Variants in ECT2 observed in about 807,000 individuals in gnomAD.
The protein encoded by ECT2 is epithelial cell transforming 2, also known as protein ECT2.
Under a neutral mutation model 116.9 loss-of-function variants are expected in ECT2, and 61 were observed. The ratio of observed to expected loss-of-function variants is 0.52; its 90% confidence interval spans 0.42 to 0.65. The LOEUF (loss-of-function observed/expected upper bound fraction) is 0.65. ECT2 is among the 30% of genes least tolerant of loss of function. The probability of loss-of-function intolerance (pLI) is 0.00; values close to 1 mark genes in which losing one functional copy is unlikely to be tolerated. For missense variants in ECT2, 937 were observed against 1,078.7 expected (o/e 0.87, Z 1.84); for synonymous variants, 358 against 346.4 (o/e 1.03, Z -0.37).
rs1729798344 is a variant in ECT2 at position 172,816,785 on chromosome 3, C to T, written c.2603C>T (p.Ser868Phe). The stretch of plus-strand genomic sequence containing the variant: ...GGCTCAGTGGAGGGAAGAAGTCCTT[C>T]CAGCAATGATAAGCATGTAATGAGT... ...SHGSVEGRSP[S>F]SNDKHVMSRL... Residue 868 changes from serine to phenylalanine, a missense_variant, in exon 24 of 25, where the codon TCC (serine) becomes TTC (phenylalanine). By Grantham distance (155) the Ser-to-Phe change is radical. Transcript: ENST00000392692. 6.2e-7 allele frequency: 1 copy of T among 1,610,104 alleles called. No individual in the cohort carries two copies. The highest frequency in any genetic ancestry group is 1.7e-5 in the Admixed American group (1 of 59,918).
chr3:172,818,887 CACTTATTTGGTGGG>C (rs1730252333), intron 24 of ECT2: 2 of 1,121,884 alleles, frequency 1.8e-6, no homozygotes, highest in Non-Finnish European at 2.2e-6. Context: ...TCCAAGGAAT[CACTTATTTGGTGGG>C]TGGGAACTTT....
At chr3:172,763,904 G>A (rs1166348365) in intron 11 of ECT2, among the ~76,000 whole-genome samples, 2 of 152,190 alleles carry the variant, frequency 1.3e-5, no homozygotes, top group Non-Finnish European at 2.9e-5. Flanking sequence ...TAAAAATCAA[G>A]TGTTACTCAG....
chr3:172,773,689 T>C (rs1721088021), intron 13 of ECT2, among the ~76,000 whole-genome samples: 1 of 152,194 alleles, frequency 6.6e-6, no homozygotes, highest in Non-Finnish European at 1.5e-5. Flanking sequence ...TGACATTTCA[T>C]GACGAGCATA....
chr3:172,760,425 A>C (rs368093044), intron 7 of ECT2, among the ~76,000 whole-genome samples, 162 bp downstream of exon 7: 2 of 152,190 alleles, frequency 1.3e-5, no homozygotes, highest in African/African-American at 4.8e-5. Context: ...AAGAGTGGTT[A>C]AATTTTCTTT....
At chr3:172,789,547 G>C (rs1259484272) in intron 18 of ECT2, among the ~76,000 whole-genome samples, 1 of 152,110 alleles carries the variant, frequency 6.6e-6, no homozygotes, top group Admixed American at 6.5e-5. Context: ...GGCCATATCA[G>C]TTGACTTTTC....
rs2109329264 is a variant in ECT2, at chr3:172,815,669, A to G, written c.2466A>G (p.Thr822=). 6 of 1,606,628 alleles carry G rather than the reference A, an allele frequency of 3.7e-6. No homozygotes were observed. Among genetic ancestry groups the G allele is most frequent in the Admixed American group, 1.7e-5 (1 of 58,968 alleles). Residue 822 remains threonine (T), a synonymous_variant, in exon 23 of 25, where the codon ACA becomes ACG. Coordinates refer to ENST00000392692, the MANE Select transcript of ECT2 (RefSeq NM_001258315.2). ...FEVNTKDMDS[T]LSRASRAIKK... is the part of the protein sequence containing the mutation. Reference sequence around the variant, plus strand: ...TAAATACAAAAGATATGGACAGTACATTGAGTAGAGCATCAAGAGCAATAA... The same window carrying G: ...TAAATACAAAAGATATGGACAGTACGTTGAGTAGAGCATCAAGAGCAATAA...
intron 4 of ECT2, among the ~76,000 whole-genome samples, chr3:172,756,063 G>A (rs1441327829): frequency 2.0e-5 from 3 of 152,096 alleles, no homozygotes; most frequent in Admixed American, 2.0e-4. Flanking sequence ...TGCATCCCTG[G>A]TGTTTCCTCT....
At chr3:172,784,620 C>A in intron 16 of ECT2, 87 bp from the exon 17 acceptor site, 1 of 908,022 alleles carries the variant, frequency 1.1e-6, no homozygotes, top group Non-Finnish European at 1.8e-6. Context: ...ATCACAGACA[C>A]TAATGATAAG....
downstream of ECT2, among the ~76,000 whole-genome samples, chr3:172,826,301 T>C (rs964535039): frequency 1.3e-5 from 2 of 152,248 alleles, no homozygotes; most frequent in African/African-American, 4.8e-5. Context: ...CTTGAAGCTA[T>C]GTTTATTGAC....
At chr3:172,823,794 C>T (rs560837955), downstream of ECT2, among the ~76,000 whole-genome samples, 53 of 152,004 alleles carry the variant, frequency 3.5e-4, no homozygotes, top group South Asian at 1.2e-3. Context: ...TTCAGTGGGT[C>T]GTAATCTTTT....
intron 1 of ECT2, 66 bp from the exon 2 acceptor site, chr3:172,754,443 C>A: frequency 8.7e-7 from 1 of 1,143,128 alleles, no homozygotes. Context: ...GTAAAAAGAG[C>A]CTCTAATACT....
At chr3:172,758,850 A>G in intron 5 of ECT2, 130 bp from the exon 6 acceptor site, 2 of 730,006 alleles carry the variant, frequency 2.7e-6, no homozygotes, top group Non-Finnish European at 4.4e-6. Context: ...TATTGAAAAA[A>G]TGCCAGTAAA....
intron 18 of ECT2, among the ~76,000 whole-genome samples, chr3:172,797,902 G>T (rs1216383420): frequency 6.6e-6 from 1 of 152,096 alleles, no homozygotes; most frequent in Non-Finnish European, 1.5e-5. Context: ...AAAGCCTTGT[G>T]ATTATCACTC....
At chr3:172,803,351 T>G (rs962476394) in intron 20 of ECT2, among the ~76,000 whole-genome samples, 1 of 152,202 alleles carries the variant, frequency 6.6e-6, no homozygotes, top group Non-Finnish European at 1.5e-5. Flanking sequence ...ATGATGTGGT[T>G]GTATTTTGTT....
chr3:172,771,725 CAAT>C (rs1405566872), intron 13 of ECT2, among the ~76,000 whole-genome samples: 1 of 152,068 alleles, frequency 6.6e-6, no homozygotes, highest in East Asian at 1.9e-4. Context: ...ATTGGGGAAT[CAAT>C]GATAATTTAG....
At chr3:172,803,591 C>T (rs2109043089) in intron 20 of ECT2, among the ~76,000 whole-genome samples, 1 of 152,188 alleles carries the variant, frequency 6.6e-6, no homozygotes, top group South Asian at 2.1e-4. Context: ...TTTTAAACAA[C>T]AGTAGTGAGG....
At chr3:172,758,874 A>T in intron 5 of ECT2, 106 bp from the exon 6 acceptor site, 1 of 955,666 alleles carries the variant, frequency 1.0e-6, no homozygotes, top group East Asian at 2.6e-5. Flanking sequence ...TTGGATTGGG[A>T]AAGTTGAATG....
chr3:172,763,032 T>G lies in ECT2; in HGVS notation c.1068+60T>G, dbSNP rs1423410937. ...AGCTTGATTGTTTGAAAATAACACT[T>G]TTCTGTCCAGAAGGTTTAGAAGCAT... On this transcript the variant is annotated intron_variant, in intron 11 of 24. Transcript: ENST00000392692. 3 of 1,557,740 alleles carry G rather than the reference T, an allele frequency of 1.9e-6. No individual in the cohort carries two copies. In the East Asian group the frequency reaches 6.7e-5, roughly 35 times the overall value.
At chr3:172,793,630 A>G (rs1230163381) in intron 18 of ECT2, among the ~76,000 whole-genome samples, 1 of 151,666 alleles carries the variant, frequency 6.6e-6, no homozygotes, top group African/African-American at 2.4e-5. Context: ...TGCCCAGCTA[A>G]TTTTAGTATT....
Sources: allele counts gnomAD v4.1 joint callset (sites outside exome capture counted in the v4.1 genomes callset), GRCh38; gene constraint gnomAD v4.1.1; transcripts MANE v1.5; gene names NCBI Gene and HGNC (gene_info 2026-07-23, HGNC 2026-07-21).